GHR: variants seen among roughly 807,000 people sequenced by gnomAD.
The protein encoded by GHR is GH receptor.
In GHR, 35 loss-of-function variants were observed where a neutral mutation model predicts 67.1. The observed-to-expected ratio is 0.52, with a 90% CI of 0.40 to 0.69. The LOEUF (loss-of-function observed/expected upper bound fraction) is 0.69. Ranked by LOEUF, GHR falls within the 30% of genes least tolerant of loss-of-function variation. The probability of loss-of-function intolerance (pLI) is 0.00; values close to 1 mark genes in which losing one functional copy is unlikely to be tolerated. For missense variants in GHR, 792 were observed against 764.6 expected, an observed-to-expected ratio of 1.04 and a Z score of -0.42; for synonymous variants, 272 against 269.1, an observed-to-expected ratio of 1.01 and a Z score of -0.10.
At chr5:42,670,013 G>GA (rs960008116) in intron 3 of GHR, among the ~76,000 whole-genome samples, 7 of 151,946 alleles carry the variant, frequency 4.6e-5, no homozygotes, top group African/African-American at 9.7e-5. Context: ...TATAGCAGTA[G>GA]AAAAAAATCA....
At chr5:42,620,903 C>G (rs954637224) in intron 2 of GHR, among the ~76,000 whole-genome samples, 2 of 152,142 alleles carry the variant, frequency 1.3e-5, no homozygotes, top group Non-Finnish European at 2.9e-5. Context: ...GTCATTCTCC[C>G]TTACATCTCC....
At chr5:42,502,823 TATA>T (rs1746596583) in intron 1 of GHR, among the ~76,000 whole-genome samples, 5 of 148,198 alleles carry the variant, frequency 3.4e-5, no homozygotes, top group South Asian at 4.2e-4. Context: ...ATTTATTAAT[TATA>T]ATTATATTTA....
intron 1 of GHR, among the ~76,000 whole-genome samples, chr5:42,556,518 G>A (rs924984515): frequency 3.3e-5 from 5 of 152,092 alleles, no homozygotes; most frequent in Admixed American, 1.3e-4. Context: ...AATGAGCCAC[G>A]TGTAGAAAGA....
At chr5:42,487,926 T>G (rs1745949051) in intron 1 of GHR, among the ~76,000 whole-genome samples, 1 of 152,246 alleles carries the variant, frequency 6.6e-6, no homozygotes, top group Non-Finnish European at 1.5e-5. Context: ...AATTTAACCT[T>G]AAACTCTTTC....
At chr5:42,690,777 A>G (rs1233506887) in intron 4 of GHR, among the ~76,000 whole-genome samples, 1 of 152,170 alleles carries the variant, frequency 6.6e-6, no homozygotes, top group East Asian at 1.9e-4. Context: ...CTTAAGGCTG[A>G]CACCACAGAG....
intron 2 of GHR, among the ~76,000 whole-genome samples, chr5:42,596,204 T>C (rs2112613796): frequency 6.6e-6 from 1 of 152,282 alleles, no homozygotes; most frequent in East Asian, 1.9e-4. Flanking sequence ...AGGTCTGCCT[T>C]TTTCATCATT....
chr5:42,543,869 G>A (rs1363618291), intron 1 of GHR, among the ~76,000 whole-genome samples: 2 of 151,898 alleles, frequency 1.3e-5, no homozygotes, highest in African/African-American at 2.4e-5. Context: ...TGCCCTCCAA[G>A]GCTCGTAACT....
chr5:42,607,169 T>C (rs987378824), intron 2 of GHR, among the ~76,000 whole-genome samples: 1 of 152,190 alleles, frequency 6.6e-6, no homozygotes, highest in African/African-American at 2.4e-5. Flanking sequence ...GATTATAAGT[T>C]TCCTGAGCCC....
chr5:42,431,724 T>A (rs1743104180), intron 1 of GHR, among the ~76,000 whole-genome samples: 1 of 152,230 alleles, frequency 6.6e-6, no homozygotes, highest in African/African-American at 2.4e-5. Context: ...TCTTAGGTTG[T>A]GAATTTGTTT....
At chr5:42,567,601 C>CT (rs144344752) in intron 2 of GHR, among the ~76,000 whole-genome samples, 2,517 of 147,960 alleles carry the variant, frequency 0.017, 27 homozygotes, top group African/African-American at 0.026. Flanking sequence ...ATTTTTGTCT[C>CT]TTTTTTTTTT....
chr5:42,457,958 A>G (rs1034884527), intron 1 of GHR, among the ~76,000 whole-genome samples: 2 of 152,210 alleles, frequency 1.3e-5, no homozygotes, highest in African/African-American at 4.8e-5. Flanking sequence ...CTCAACTCAT[A>G]AGGATATTTC....
intron 1 of GHR, among the ~76,000 whole-genome samples, chr5:42,540,012 T>C (rs961190443): frequency 6.6e-6 from 1 of 152,210 alleles, no homozygotes; most frequent in African/African-American, 2.4e-5. Context: ...ATTAAGACAG[T>C]TTATCACAAG....
intron 3 of GHR, among the ~76,000 whole-genome samples, chr5:42,682,607 T>A (rs115151572): frequency 0.012 from 1,857 of 152,212 alleles, 36 homozygotes; most frequent in African/African-American, 0.042. Context: ...TGTGACAGGA[T>A]GTGATTAAGG....
At chr5:42,683,651 G>A (rs10473288) in intron 3 of GHR, among the ~76,000 whole-genome samples, 110,385 of 152,022 alleles carry the variant, frequency 0.73, 40,811 homozygotes, top group East Asian at 1. Flanking sequence ...TAAAAAAGCC[G>A]GAAAGAGAGA....
At chr5:42,677,401 C>T (rs1215279222) in intron 3 of GHR, among the ~76,000 whole-genome samples, 1 of 152,166 alleles carries the variant, frequency 6.6e-6, no homozygotes, top group African/African-American at 2.4e-5. Flanking sequence ...CACAGAATTG[C>T]AGCATTCTCT....
chr5:42,594,075 T>C (rs1429007671), intron 2 of GHR, among the ~76,000 whole-genome samples: 2 of 152,196 alleles, frequency 1.3e-5, no homozygotes, highest in Non-Finnish European at 2.9e-5. Flanking sequence ...TATCTTACCT[T>C]AATGGCTCTC....
chr5:42,602,727 A>G (rs556134688), intron 2 of GHR, among the ~76,000 whole-genome samples: 138 of 152,224 alleles, frequency 9.1e-4, no homozygotes, highest in African/African-American at 3.3e-3. Flanking sequence ...GTAACTGTCC[A>G]ATTTATGCTG....
intron 2 of GHR, among the ~76,000 whole-genome samples, chr5:42,569,717 A>G (rs1223407171): frequency 2.6e-5 from 4 of 152,074 alleles, no homozygotes; most frequent in East Asian, 1.9e-4. Flanking sequence ...TACATACACT[A>G]TATGTACACA....
chr5:42,424,655 TAA>T lies in GHR; in HGVS notation c.-12+703_-12+704del. 6.9e-7 allele frequency: 1 copy of T among 1,457,008 alleles called. No homozygotes were observed. The highest frequency in any genetic ancestry group is 9.3e-7 in the Non-Finnish European group (1 of 1,075,130). The allele number at this position is 1,457,008 out of a possible 1,614,324, so 90.3% of individuals were successfully genotyped here. On this transcript the variant is annotated intron_variant, in intron 1 of 9. Transcript: ENST00000230882. This position sits in a 1 kb window ranked among gnomAD's most constrained non-coding sequence, Gnocchi z 4.1. ...CCAGCTTTTGACACACTAGTGGTTG[TAA>T]AATCAACCAGGCTTAAAGTTTTGAC...
Sources: allele counts gnomAD v4.1 joint callset (sites outside exome capture counted in the v4.1 genomes callset), GRCh38; gene constraint gnomAD v4.1.1; non-coding constraint Gnocchi (gnomAD v3.1); transcripts MANE v1.5; gene names NCBI Gene and HGNC (gene_info 2026-07-23, HGNC 2026-07-21).